ZNF490: variants seen among roughly 807,000 people sequenced by gnomAD.
ZNF490 encodes zinc finger protein 490.
Under a neutral mutation model 17.7 loss-of-function variants are expected in ZNF490, and 11 were observed. That is an observed-to-expected ratio of 0.62 (90% CI 0.39 to 1.03). ZNF490 has a LOEUF of 1.03. Ranked by LOEUF, ZNF490 falls within the 50% of genes least tolerant of loss-of-function variation. ZNF490 has a pLI of 0.00. For synonymous variants in ZNF490, 222 were observed against 216.1 expected (o/e 1.03, Z -0.24); for missense variants, 542 against 643.4 (o/e 0.84, Z 1.71).
chr19:12,595,325 G>T (rs1165989519), intron 2 of ZNF490, among the ~76,000 whole-genome samples: 1 of 151,978 alleles, frequency 6.6e-6, no homozygotes, highest in African/African-American at 2.4e-5. Flanking sequence ...GTAGAGAAGG[G>T]GGTTTCTCCA....
At chr19:12,592,840 T>C (rs1412623616) in intron 2 of ZNF490, among the ~76,000 whole-genome samples, 1 of 152,186 alleles carries the variant, frequency 6.6e-6, no homozygotes, top group African/African-American at 2.4e-5. Flanking sequence ...CATCAATTTT[T>C]CTGTAACTCT....
chr19:12,582,934 C>T, intron 3 of ZNF490, 24 bp from the exon 4 acceptor site: 1 of 1,580,820 alleles, frequency 6.3e-7, no homozygotes, highest in Non-Finnish European at 8.6e-7. Flanking sequence ...CCAGAGAACT[C>T]ACAATAAATT....
intron 2 of ZNF490, among the ~76,000 whole-genome samples, chr19:12,594,524 A>C (rs1338242988): frequency 6.6e-6 from 1 of 152,140 alleles, no homozygotes; most frequent in Non-Finnish European, 1.5e-5. Context: ...TGGAGGCACT[A>C]ACAGGAGTGC....
intron 2 of ZNF490, among the ~76,000 whole-genome samples, chr19:12,601,033 T>G (rs1206413014): frequency 1.4e-5 from 2 of 146,188 alleles, no homozygotes; most frequent in African/African-American, 5.1e-5. Context: ...GAGACTGCAG[T>G]GAGCTGAGGC....
At chr19:12,594,580 G>A (rs1044966011) in intron 2 of ZNF490, among the ~76,000 whole-genome samples, 3 of 152,120 alleles carry the variant, frequency 2.0e-5, no homozygotes, top group African/African-American at 7.2e-5. Flanking sequence ...CTGTGGTAGC[G>A]ATATCCGGGC....
chr19:12,601,116 C>T (rs1375317816), intron 2 of ZNF490, among the ~76,000 whole-genome samples: 3 of 151,556 alleles, frequency 2.0e-5, no homozygotes, highest in East Asian at 1.9e-4. Context: ...AGGCCAGGTG[C>T]GTTGGCTTAC....
chr19:12,583,727 C>T (rs1306308870), intron 2 of ZNF490, among the ~76,000 whole-genome samples, 171 bp from the exon 3 acceptor site: 3 of 145,940 alleles, frequency 2.1e-5, no homozygotes, highest in Non-Finnish European at 3.0e-5. Context: ...ATAAATTTAA[C>T]ACTATCGTGA....
rs201331062 is a variant in ZNF490 at position 12,580,546 on chromosome 19, G to T, written c.1529C>A (p.Ala510Asp). The change falls in exon 5 of 5, where the codon GCC becomes GAC. Residue 510 changes from alanine to aspartate, a missense_variant. Coordinates refer to ENST00000311437, the MANE Select transcript of ZNF490 (RefSeq NM_020714.3). Reference sequence around the variant, plus strand: ...GTGCAAAGACTTTGAGTAACTGAAGGCTTTACCACATTGTCTACACTGAAA... The same window carrying T: ...GTGCAAAGACTTTGAGTAACTGAAGTCTTTACCACATTGTCTACACTGAAA... The part of the protein sequence containing the change: ...RPFQCRQCGK[A>D]FSYSKSLHVH... 14 of 1,613,734 alleles carry T rather than the reference G, an allele frequency of 8.7e-6. No individual in the cohort carries two copies. The African/African-American group carries it at 1.7e-4, about 20-fold the overall frequency.
At chr19:12,600,626 C>T (rs2022991581) in intron 2 of ZNF490, among the ~76,000 whole-genome samples, 1 of 152,050 alleles carries the variant, frequency 6.6e-6, no homozygotes, top group Non-Finnish European at 1.5e-5. Flanking sequence ...TTGTGTGCCA[C>T]AGAGTAACAG....
At chr19:12,588,892 T>G (rs1434829982) in intron 2 of ZNF490, among the ~76,000 whole-genome samples, 3 of 152,312 alleles carry the variant, frequency 2.0e-5, no homozygotes, top group African/African-American at 7.2e-5. Flanking sequence ...AAAAATTATT[T>G]TGAATTAAAT....
intron 2 of ZNF490, among the ~76,000 whole-genome samples, chr19:12,593,226 AG>A (rs1462269940): frequency 6.6e-6 from 1 of 151,566 alleles, no homozygotes. Context: ...AGGTAAAAAA[AG>A]ATTCCCAGAG....
rs2145136967 is a variant in ZNF490 at position 12,579,496 on chromosome 19, T to C, written c.*989A>G. The C allele has an allele frequency of 7.1e-6, 1 of 140,116 alleles. No homozygotes were observed. The highest frequency in any genetic ancestry group is 2.2e-4 in the South Asian group (1 of 4,466). The allele number at this position is 140,116 out of a possible 1,614,324, so 8.7% of individuals were successfully genotyped here. On this transcript the variant is annotated 3_prime_UTR_variant, in exon 5 of 5. Transcript: ENST00000311437. ...CTGGGAGGCAGAGGTTGCGCCACTT[T>C]CACTCCAGCCTAGGCAACAGAGTAA...
chr19:12,582,935 A>C (rs148163381), intron 3 of ZNF490, 25 bp from the exon 4 acceptor site: 1 of 1,573,618 alleles, frequency 6.4e-7, no homozygotes, highest in East Asian at 2.2e-5. Context: ...CAGAGAACTC[A>C]CAATAAATTA....
At chr19:12,583,817 T>A (rs1211337094) in intron 2 of ZNF490, among the ~76,000 whole-genome samples, 2,445 of 129,710 alleles carry the variant, frequency 0.019, 32 homozygotes, top group Middle Eastern at 0.04. Context: ...ATATATTTTT[T>A]TTTTTTTTTT....
At chr19:12,598,222 C>CA (rs1023524989) in intron 2 of ZNF490, among the ~76,000 whole-genome samples, 62 of 132,330 alleles carry the variant, frequency 4.7e-4, no homozygotes, top group Admixed American at 3.5e-3. Context: ...GACTCTGTCT[C>CA]AAAAAAAACA....
intron 2 of ZNF490, among the ~76,000 whole-genome samples, chr19:12,600,867 G>A (rs1204536428): frequency 1.3e-5 from 2 of 152,106 alleles, no homozygotes; most frequent in African/African-American, 2.4e-5. Flanking sequence ...AAGGTGGGTG[G>A]ATCACTTAAG....
In ZNF490 at chr19:12,581,018, C is replaced by T. The variant is rs767270705; in HGVS notation, c.1057G>A (p.Val353Met). The change falls in exon 5 of 5, where the codon GTG becomes ATG. Residue 353 changes from valine (V) to methionine (M), a missense_variant. Coordinates refer to ENST00000311437, the MANE Select transcript of ZNF490 (RefSeq NM_020714.3). ...FFSHSSLRKH[V>M]KTHTGVQPYT... is the part of the protein sequence containing the mutation. ...GGTTGAACTCCGGTGTGGGTTTTCACGTGTTTTCGAAGGCTTGAGTGAGAA... is the reference window on the plus strand; with the variant it reads ...GGTTGAACTCCGGTGTGGGTTTTCATGTGTTTTCGAAGGCTTGAGTGAGAA... 30 of 1,614,092 alleles carry T rather than the reference C, an allele frequency of 1.9e-5. No individual in the cohort carries two copies. The highest frequency in any genetic ancestry group is 1.6e-4 in the Middle Eastern group (1 of 6,062).
chr19:12,580,343 T>G lies in ZNF490; in HGVS notation c.*142A>C, dbSNP rs1457741642. On this transcript the variant is annotated 3_prime_UTR_variant, in exon 5 of 5. Transcript: ENST00000311437. Reference sequence around the variant, plus strand: ...ATTTGTTAAATATTTCATTGCCGCATGAGTCACGTCTTCAAAGGGAATTAG... The same window carrying G: ...ATTTGTTAAATATTTCATTGCCGCAGGAGTCACGTCTTCAAAGGGAATTAG... The G allele has an allele frequency of 2.1e-6, 3 of 1,456,440 alleles. No homozygotes were observed. Among genetic ancestry groups the G allele is most frequent in the African/African-American group, 2.8e-5 (2 of 71,126 alleles). 90.2% of individuals were successfully genotyped at this position (1,456,440 alleles called of 1,614,324 possible). A position where few individuals can be genotyped will look rare whatever the true frequency, so the allele number is the denominator to read the frequency against.
chr19:12,596,203 T>G (rs953990152), intron 2 of ZNF490, among the ~76,000 whole-genome samples: 9 of 134,558 alleles, frequency 6.7e-5, no homozygotes, highest in Non-Finnish European at 1.4e-4. Context: ...AGGCAGGGGT[T>G]GCAGTGAACT....
Sources: gnomAD v4.1 joint callset for allele counts (sites outside exome capture counted in the v4.1 genomes callset) on GRCh38, gnomAD v4.1.1 for gene constraint, MANE v1.5 for transcripts, NCBI Gene and HGNC (gene_info 2026-07-23, HGNC 2026-07-21) for gene names.